The following CAV3 variants were observed in gnomAD, a reference collection of about 807,000 sequenced individuals.
CAV3 encodes the protein caveolin-3.
Under a neutral mutation model 13.4 loss-of-function variants are expected in CAV3, and 10 were observed. The ratio of observed to expected loss-of-function variants is 0.75; its 90% CI spans 0.46 to 1.27. The LOEUF (loss-of-function observed/expected upper bound fraction) is 1.27. Ranked by LOEUF, CAV3 falls within the 50% of genes most tolerant of loss-of-function variation. The pLI, the probability that CAV3 is intolerant of heterozygous loss-of-function variation, is 0.00. For synonymous variants in CAV3, 90 were observed against 79.0 expected (o/e 1.14, Z -0.74); for missense variants, 162 against 194.0 (o/e 0.83, Z 0.98).
At position 8,745,460 on chromosome 3, in the gene CAV3, C is replaced by A; in HGVS notation, c.115-66C>A. On this transcript the variant is annotated intron_variant, in intron 1 of 1. Coordinates refer to ENST00000343849, the MANE Select transcript of CAV3 (RefSeq NM_033337.3). The surrounding 1 kb of genome is among the most constrained non-coding windows in gnomAD (Gnocchi z 4.8). ...TAGGGGATTCTGACACATGCACGCA[C>A]ACACCCAAAAGCTTGAGAAGCGGGT... 7.7e-7 allele frequency: 1 copy of A among 1,293,326 alleles called. No individual in the cohort carries two copies. The highest frequency in any genetic ancestry group is 1.1e-6 in the Non-Finnish European group (1 of 892,928). The allele number at this position is 1,293,326 out of a possible 1,614,324, so 80.1% of individuals were successfully genotyped here. A position where few individuals can be genotyped will look rare whatever the true frequency, so the allele number is the denominator to read the frequency against.
chr3:8,739,079 C>T (rs1321192762), intron 1 of CAV3, among the ~76,000 whole-genome samples: 6 of 152,220 alleles, frequency 3.9e-5, no homozygotes, highest in African/African-American at 1.4e-4. Flanking sequence ...AAATGTCTTG[C>T]CCTCTGTCAA....
rs569883221 is a variant in CAV3 at position 8,744,538 on chromosome 3, C to T, written c.115-988C>T. 3.4e-5 allele frequency among the ~76,000 whole-genome samples: 5 copies of T among 148,534 alleles called. No individual in the cohort carries two copies. The East Asian group carries it at 1.0e-3, about 30-fold the overall frequency. Reference sequence around the variant, plus strand: ...TTACAGCCTCCCATCCTTTCATCCTCATGATACCACTGGAAGACGTTCATT... The same window carrying T: ...TTACAGCCTCCCATCCTTTCATCCTTATGATACCACTGGAAGACGTTCATT... On this transcript the variant is annotated intron_variant, in intron 1 of 1. Transcript: ENST00000343849.
chr3:8,735,091 A>T (rs1575465162), intron 1 of CAV3, among the ~76,000 whole-genome samples: 1 of 152,156 alleles, frequency 6.6e-6, no homozygotes, highest in African/African-American at 2.4e-5. Flanking sequence ...AGGGGCTGTT[A>T]AGAGGCCAGT....
At chr3:8,744,663 G>C (rs1488551340) in intron 1 of CAV3, among the ~76,000 whole-genome samples, 4 of 152,048 alleles carry the variant, frequency 2.6e-5, no homozygotes, top group Non-Finnish European at 5.9e-5. Context: ...AGCAGGGCTC[G>C]AGAGAGCTTA....
intron 1 of CAV3, among the ~76,000 whole-genome samples, chr3:8,739,536 C>T (rs186155796): frequency 2.9e-3 from 435 of 151,424 alleles, no homozygotes; most frequent in African/African-American, 9.5e-3. Flanking sequence ...AGGAGAATTG[C>T]TTGAACCCAG....
chr3:8,744,678 A>G (rs1708092151), intron 1 of CAV3, among the ~76,000 whole-genome samples: 1 of 152,108 alleles, frequency 6.6e-6, no homozygotes, highest in African/African-American at 2.4e-5. Context: ...AGCTTAGGTA[A>G]GCGATGTGAG....
chr3:8,736,091 C>A (rs571540584), intron 1 of CAV3, among the ~76,000 whole-genome samples: 1 of 152,118 alleles, frequency 6.6e-6, no homozygotes, highest in South Asian at 2.1e-4. Context: ...TAAAATTGTA[C>A]CTGTAAAATA....
chr3:8,743,012 C>T (rs1444796542), intron 1 of CAV3, among the ~76,000 whole-genome samples: 1 of 152,142 alleles, frequency 6.6e-6, no homozygotes, highest in Non-Finnish European at 1.5e-5. Context: ...AAAGGGGGAG[C>T]TGGCATATCA....
intron 1 of CAV3, among the ~76,000 whole-genome samples, chr3:8,738,665 A>C (rs1307391803): frequency 6.6e-6 from 1 of 152,194 alleles, no homozygotes; most frequent in East Asian, 1.9e-4. Flanking sequence ...TAAAAATGTG[A>C]AATGGAGGAA....
chr3:8,740,899 G>C (rs969540064), intron 1 of CAV3, among the ~76,000 whole-genome samples: 2 of 152,186 alleles, frequency 1.3e-5, no homozygotes, highest in African/African-American at 4.8e-5. Flanking sequence ...CAATCACCCT[G>C]CTGTCAGGCT....
intron 1 of CAV3, among the ~76,000 whole-genome samples, chr3:8,736,452 A>G (rs541758639): frequency 4.6e-5 from 7 of 152,366 alleles, no homozygotes; most frequent in Admixed American, 4.6e-4. Context: ...AGAGGGCAAG[A>G]GAGCTAAGCC....
At chr3:8,734,684 C>T (rs1707689732) in intron 1 of CAV3, among the ~76,000 whole-genome samples, 1 of 152,198 alleles carries the variant, frequency 6.6e-6, no homozygotes, top group Admixed American at 6.5e-5. Context: ...TCCAGGCCCA[C>T]ACCTTCAATC....
rs1207471819 is a variant in CAV3, at chr3:8,745,463, A to C, written c.115-63A>C. The C allele has an allele frequency of 3.8e-6, 5 of 1,324,330 alleles. No individual in the cohort carries two copies. Among genetic ancestry groups the C allele is most frequent in the Non-Finnish European group, 4.3e-6 (4 of 920,588 alleles). The allele number at this position is 1,324,330 out of a possible 1,614,324, so 82.0% of individuals were successfully genotyped here. A position where few individuals can be genotyped will look rare whatever the true frequency, so the allele number is the denominator to read the frequency against. Reference sequence around the variant, plus strand: ...GGGATTCTGACACATGCACGCACACACCCAAAAGCTTGAGAAGCGGGTGGC... The same window carrying C: ...GGGATTCTGACACATGCACGCACACCCCCAAAAGCTTGAGAAGCGGGTGGC... On this transcript the variant is annotated intron_variant, in intron 1 of 1. Coordinates refer to ENST00000343849, the MANE Select transcript of CAV3 (RefSeq NM_033337.3). This position sits in a 1 kb window ranked among gnomAD's most constrained non-coding sequence, Gnocchi z 4.8.
intron 1 of CAV3, among the ~76,000 whole-genome samples, chr3:8,734,587 G>A (rs978360501): frequency 4.6e-5 from 7 of 152,180 alleles, no homozygotes; most frequent in Middle Eastern, 3.2e-3. Context: ...GAGAAAGCTC[G>A]GGGTTGTCTA....
chr3:8,737,440 T>A (rs1215709677), intron 1 of CAV3, among the ~76,000 whole-genome samples: 1 of 152,078 alleles, frequency 6.6e-6, no homozygotes, highest in Non-Finnish European at 1.5e-5. Context: ...GCATACTACA[T>A]CCATGGATTT....
chr3:8,746,362 A>G lies in CAV3; in HGVS notation c.*495A>G, dbSNP rs1208013805. 1 of 155,096 alleles carries G rather than the reference A, an allele frequency of 6.4e-6. No individual in the cohort carries two copies. The highest frequency in any genetic ancestry group is 2.4e-5 in the African/African-American group (1 of 41,464). 9.6% of individuals were successfully genotyped at this position (155,096 alleles called of 1,614,324 possible). ...AAAAATATACTTCACTGCCCTGAAA[A>G]ACAGACACAGGGAGAGTTGGTTGTC... On this transcript the variant is annotated 3_prime_UTR_variant, in exon 2 of 2. Coordinates refer to ENST00000343849, the MANE Select transcript of CAV3 (RefSeq NM_033337.3).
chr3:8,742,569 T>C (rs1405687793), intron 1 of CAV3: 1 of 451,844 alleles, frequency 2.2e-6, no homozygotes, highest in Admixed American at 2.4e-5. Context: ...CAAAAGAATT[T>C]CTCAGATGTA....
At chr3:8,743,396 C>T (rs566479326) in intron 1 of CAV3, among the ~76,000 whole-genome samples, 1 of 152,076 alleles carries the variant, frequency 6.6e-6, no homozygotes, top group Admixed American at 6.5e-5. Flanking sequence ...CCCTAAATTC[C>T]CAGCCAGCCA....
intron 1 of CAV3, among the ~76,000 whole-genome samples, chr3:8,741,130 C>A (rs1707943857): frequency 6.6e-6 from 1 of 152,214 alleles, no homozygotes; most frequent in Non-Finnish European, 1.5e-5. Context: ...CCTCATTTTA[C>A]TTCCTACTTT....
Sources: gnomAD v4.1 joint callset for allele counts (sites outside exome capture counted in the v4.1 genomes callset) on GRCh38, gnomAD v4.1.1 for gene constraint, Gnocchi (gnomAD v3.1) non-coding constraint, MANE v1.5 for transcripts, NCBI Gene and HGNC (gene_info 2026-07-23, HGNC 2026-07-21) for gene names.